NRXN3: variants seen among roughly 807,000 people sequenced by gnomAD.
NRXN3 encodes the protein neurexin 3.
In NRXN3, 32 loss-of-function variants were observed where a neutral mutation model predicts 137.6. The ratio of observed to expected loss-of-function variants is 0.23; its 90% confidence interval spans 0.18 to 0.31. The LOEUF is 0.31. Among genes scored for constraint, NRXN3 ranks in the 10% least tolerant of loss-of-function variants. NRXN3 has a pLI of 1.00. For synonymous variants in NRXN3, 798 were observed against 784.5 expected, an observed-to-expected ratio of 1.02 and a Z score of -0.29; for missense variants, 1,574 against 2,062.5, an observed-to-expected ratio of 0.76 and a Z score of 4.59.
chr14:79,761,391 T>A (rs1268918525), intron 19 of NRXN3, among the ~76,000 whole-genome samples: 3 of 151,640 alleles, frequency 2.0e-5, no homozygotes, highest in African/African-American at 7.3e-5. Context: ...ATTCTATTTT[T>A]TTCCAAACAT....
intron 4 of NRXN3, among the ~76,000 whole-genome samples, chr14:78,525,726 A>G (rs181132881): frequency 7.9e-4 from 120 of 152,314 alleles, no homozygotes; most frequent in African/African-American, 2.9e-3. Context: ...ATTATCAATT[A>G]ATACTTTAGG....
chr14:78,493,904 A>T (rs1213327485), intron 4 of NRXN3, among the ~76,000 whole-genome samples: 1 of 152,236 alleles, frequency 6.6e-6, no homozygotes, highest in East Asian at 1.9e-4. Flanking sequence ...CAGTGCCAGC[A>T]TGGACTGAAG....
At chr14:78,673,557 T>A (rs1567029530) in intron 6 of NRXN3, among the ~76,000 whole-genome samples, 1 of 152,234 alleles carries the variant, frequency 6.6e-6, no homozygotes, top group Non-Finnish European at 1.5e-5. Context: ...CAGGCTGCCC[T>A]AACAGAATAC....
intron 7 of NRXN3, among the ~76,000 whole-genome samples, chr14:78,711,434 CTTTTTTTTTTTTTT>C (rs35251417): frequency 2.0e-5 from 2 of 99,044 alleles, no homozygotes; most frequent in South Asian, 7.3e-4. Flanking sequence ...ATTCTTTTCT[CTTTTTTTTTTTTTT>C]TTTTTTTTTT....
chr14:79,783,519 C>T (rs1252011504), intron 19 of NRXN3, among the ~76,000 whole-genome samples: 6 of 152,168 alleles, frequency 3.9e-5, no homozygotes, highest in Non-Finnish European at 8.8e-5. Context: ...CCTAGAACCT[C>T]ACAATGTTGA....
intron 16 of NRXN3, among the ~76,000 whole-genome samples, chr14:79,526,069 C>G (rs1232263068): frequency 6.6e-6 from 1 of 151,880 alleles, no homozygotes; most frequent in African/African-American, 2.4e-5. Context: ...TTTTTTGAGA[C>G]GGAGTTTTGC....
At chr14:79,215,378 T>C (rs971449853) in intron 15 of NRXN3, among the ~76,000 whole-genome samples, 2 of 148,496 alleles carry the variant, frequency 1.3e-5, no homozygotes, top group Admixed American at 1.4e-4. Flanking sequence ...GAAAATGAAG[T>C]TGTGGAGTTG....
intron 4 of NRXN3, among the ~76,000 whole-genome samples, chr14:78,442,483 CT>C (rs1353839513): frequency 6.6e-6 from 1 of 152,210 alleles, no homozygotes; most frequent in African/African-American, 2.4e-5. Context: ...AGATTTCAGA[CT>C]GTTGGCCTCC....
chr14:78,980,645 T>A (rs2099487053), intron 14 of NRXN3, among the ~76,000 whole-genome samples: 1 of 151,992 alleles, frequency 6.6e-6, no homozygotes, highest in East Asian at 1.9e-4. Context: ...AGAAGAACAA[T>A]CCCACCATCA....
At chr14:78,954,943 C>T (rs1047656506) in intron 10 of NRXN3, among the ~76,000 whole-genome samples, 20 of 152,082 alleles carry the variant, frequency 1.3e-4, no homozygotes, top group Non-Finnish European at 5.9e-5. Context: ...TGAGAGAAAG[C>T]TCGTTTTATA....
At chr14:79,552,155 A>C (rs919769772) in intron 16 of NRXN3, among the ~76,000 whole-genome samples, 22 of 152,212 alleles carry the variant, frequency 1.4e-4, no homozygotes, top group African/African-American at 5.3e-4. Context: ...AGTGAATCAA[A>C]ATAGCAAAAC....
chr14:78,381,920 G>C (rs2089201688), intron 4 of NRXN3, among the ~76,000 whole-genome samples: 1 of 152,160 alleles, frequency 6.6e-6, no homozygotes, highest in Non-Finnish European at 1.5e-5. Flanking sequence ...GGTTTCCACT[G>C]TCTAGGCCTG....
At chr14:79,638,051 A>G (rs1462548725) in intron 16 of NRXN3, among the ~76,000 whole-genome samples, 1 of 151,840 alleles carries the variant, frequency 6.6e-6, no homozygotes, top group Non-Finnish European at 1.5e-5. Flanking sequence ...CTCCTATATT[A>G]TACGTGCCCA....
chr14:79,148,538 T>C (rs1163675560), intron 15 of NRXN3, among the ~76,000 whole-genome samples: 1 of 152,126 alleles, frequency 6.6e-6, no homozygotes, highest in Non-Finnish European at 1.5e-5. Flanking sequence ...CAGAACCCAG[T>C]CCCTTGTCCC....
intron 20 of NRXN3, among the ~76,000 whole-genome samples, chr14:79,847,468 CTG>C (rs2099381387): frequency 6.6e-6 from 1 of 152,148 alleles, no homozygotes; most frequent in South Asian, 2.1e-4. Context: ...CTCTACCAAA[CTG>C]TGAAATTTGA....
chr14:79,245,986 T>G (rs1335323320), intron 15 of NRXN3, among the ~76,000 whole-genome samples: 1 of 152,164 alleles, frequency 6.6e-6, no homozygotes, highest in Non-Finnish European at 1.5e-5. Context: ...CCATTTCTAT[T>G]GGAAAGTGAT....
At position 78,803,829 on chromosome 14, in the gene NRXN3, G is replaced by C. The variant is rs200245559; in HGVS notation, c.2248+6G>C. ...CAAGCTCATGGTTAACTTAGGTATC[G>C]TATGAAGTACCCTCTGCCACTTCGT... On this transcript the variant is annotated splice_donor_region_variant and intron_variant, in intron 9 of 20. Transcript: ENST00000335750. 1.2e-6 allele frequency: 2 copies of C among 1,611,472 alleles called. No individual in the cohort carries two copies. The highest frequency in any genetic ancestry group is 2.2e-5 in the East Asian group (1 of 44,826).
intron 15 of NRXN3, among the ~76,000 whole-genome samples, chr14:79,197,808 T>C: frequency 6.6e-6 from 1 of 152,202 alleles, no homozygotes; most frequent in Non-Finnish European, 1.5e-5. Flanking sequence ...AAGACTTCTT[T>C]GTAGCATGCG....
At chr14:79,227,782 CTTCCCTCCTCCCT>C (rs1568684461) in intron 15 of NRXN3, among the ~76,000 whole-genome samples, 11 of 118,686 alleles carry the variant, frequency 9.3e-5, no homozygotes, top group Non-Finnish European at 1.6e-4. Context: ...TCCTTCCTTC[CTTCCCTCCTCCCT>C]TCCTCCCTTC....
Sources: allele counts gnomAD v4.1 joint callset (sites outside exome capture counted in the v4.1 genomes callset), GRCh38; gene constraint gnomAD v4.1.1; transcripts MANE v1.5; gene names NCBI Gene and HGNC (gene_info 2026-07-23, HGNC 2026-07-21).